The following ARID2 variants were observed in gnomAD, a reference collection of about 807,000 sequenced individuals.
ARID2 encodes AT-rich interactive domain-containing protein 2.
A neutral mutation model predicts 184.6 loss-of-function variants in ARID2; 32 were observed. The observed-to-expected ratio is 0.17, with a 90% CI of 0.13 to 0.23. The LOEUF is 0.23. ARID2 is among the 10% of genes least tolerant of loss of function. The probability of loss-of-function intolerance (pLI) is 1.00; values close to 1 mark genes in which losing one functional copy is unlikely to be tolerated. For missense variants in ARID2, 1,696 were observed against 2,197.6 expected (o/e 0.77, Z 4.56); for synonymous variants, 836 against 772.6 (o/e 1.08, Z -1.36).
chr12:45,868,020 T>C (rs976097489), intron 16 of ARID2, among the ~76,000 whole-genome samples: 31 of 152,258 alleles, frequency 2.0e-4, no homozygotes, highest in African/African-American at 7.5e-4. Context: ...GCTCCTGTTT[T>C]AATTTTTATT....
intron 10 of ARID2, among the ~76,000 whole-genome samples, chr12:45,839,025 ATT>A (rs996463434): frequency 6.9e-6 from 1 of 144,402 alleles, no homozygotes. Flanking sequence ...TGCCCGGCTA[ATT>A]TTTTTTTTTT....
At chr12:45,843,669 G>A in intron 11 of ARID2, among the ~76,000 whole-genome samples, 1 of 152,084 alleles carries the variant, frequency 6.6e-6, no homozygotes, top group Non-Finnish European at 1.5e-5. Context: ...ACTGGGTTGG[G>A]AAAATTGAAA....
At chr12:45,846,438 G>A (rs774361455) in intron 11 of ARID2, among the ~76,000 whole-genome samples, 2 of 152,054 alleles carry the variant, frequency 1.3e-5, no homozygotes, top group Non-Finnish European at 2.9e-5. Context: ...CTCAACTTAC[G>A]TGTTGAACTG....
rs1293818717 is a variant in ARID2 at position 45,850,854 on chromosome 12, G to C, written c.2731G>C (p.Val911Leu). 2 of 1,614,056 alleles carry C rather than the reference G, an allele frequency of 1.2e-6. No homozygotes were observed. Among genetic ancestry groups the C allele is most frequent in the Non-Finnish European group, 1.7e-6 (2 of 1,180,006 alleles). The change falls in exon 15 of 21, where the codon GTA becomes CTA. Residue 911 changes from valine to leucine, a missense_variant. This residue lies in a region of ARID2 where 713 missense variants were observed against 824.4 expected (regional missense o/e 0.86). Transcript: ENST00000334344. The part of the protein sequence containing the change: ...LPSQQVSSTV[V>L]QQPIQQPQQP... Reference sequence around the variant, plus strand: ...TTCTCAGCAAGTTTCATCTACAGTGGTACAGCAGCCTATTCAACAACCACA... The same window carrying C: ...TTCTCAGCAAGTTTCATCTACAGTGCTACAGCAGCCTATTCAACAACCACA...
At chr12:45,894,892 GT>G (rs1426552912) in intron 20 of ARID2, among the ~76,000 whole-genome samples, 1 of 152,004 alleles carries the variant, frequency 6.6e-6, no homozygotes, top group Non-Finnish European at 1.5e-5. Context: ...CCACATGCAA[GT>G]TCCTAATCAC....
rs1318881193 is a variant in ARID2, at chr12:45,906,566, G to A, written c.*1488G>A. ...TCTTGAGTCCTTCATTTCTGAGTAT[G>A]CTTAAGACATCTTAAAAATATAGAG... On this transcript the variant is annotated 3_prime_UTR_variant, in exon 21 of 21. Coordinates refer to ENST00000334344, the MANE Select transcript of ARID2 (RefSeq NM_152641.4). The A allele has an allele frequency of 4.3e-6, 1 of 232,478 alleles. No homozygotes were observed. Among genetic ancestry groups the A allele is most frequent in the Non-Finnish European group, 8.5e-6 (1 of 117,558 alleles). 14.4% of individuals were successfully genotyped at this position (232,478 alleles called of 1,614,324 possible).
intron 12 of ARID2, among the ~76,000 whole-genome samples, chr12:45,848,264 G>A (rs1285997131): frequency 6.6e-6 from 1 of 152,008 alleles, no homozygotes; most frequent in African/African-American, 2.4e-5. Context: ...ACAAAATGAG[G>A]TTTGAATTAG....
rs934376711 is a variant in ARID2 at position 45,855,391 on chromosome 12, A to G, written c.4773+2495A>G. 7.9e-4 allele frequency among the ~76,000 whole-genome samples: 121 copies of G among 152,218 alleles called. 1 individual carries two copies. Among genetic ancestry groups the G allele is most frequent in the Non-Finnish European group, 1.9e-4 (13 of 68,044 alleles). On this transcript the variant is annotated intron_variant, in intron 15 of 20. Coordinates refer to ENST00000334344, the MANE Select transcript of ARID2 (RefSeq NM_152641.4). ...TCTAAAACTGATATTTGGTTGTCTT[A>G]TAGAAATTTAAAACTTTGCAAGGAA...
intron 3 of ARID2, among the ~76,000 whole-genome samples, chr12:45,760,988 A>T (rs1354077718): frequency 6.6e-6 from 1 of 152,164 alleles, no homozygotes; most frequent in Non-Finnish European, 1.5e-5. Flanking sequence ...TGGCCCCACA[A>T]AGCACTGGGA....
chr12:45,867,198 C>T (rs1198558222), intron 16 of ARID2, among the ~76,000 whole-genome samples: 1 of 151,980 alleles, frequency 6.6e-6, no homozygotes, highest in African/African-American at 2.4e-5. Context: ...ATCCACCCAC[C>T]TTGGCCTCCC....
intron 3 of ARID2, among the ~76,000 whole-genome samples, chr12:45,785,925 A>C (rs896072237): frequency 2.6e-5 from 4 of 152,188 alleles, no homozygotes. Flanking sequence ...GCCATGGACC[A>C]GTAGTGGTCT....
intron 16 of ARID2, among the ~76,000 whole-genome samples, chr12:45,871,237 A>G (rs1202562123): frequency 6.6e-6 from 1 of 152,140 alleles, no homozygotes; most frequent in Non-Finnish European, 1.5e-5. Flanking sequence ...TTGTTTATTT[A>G]CCATATGTAT....
At chr12:45,775,560 A>T (rs921914593) in intron 3 of ARID2, among the ~76,000 whole-genome samples, 1 of 152,164 alleles carries the variant, frequency 6.6e-6, no homozygotes, top group African/African-American at 2.4e-5. Context: ...TACTAGTTTC[A>T]TGGAAGGGAG....
At chr12:45,882,244 C>G (rs573981477) in intron 16 of ARID2, 1 of 152,238 alleles carries the variant, frequency 6.6e-6, no homozygotes, top group South Asian at 2.1e-4. Context: ...AGGCCCAGGT[C>G]TCCTTTGTGG....
intron 16 of ARID2, among the ~76,000 whole-genome samples, chr12:45,884,868 A>G (rs572603705): frequency 6.6e-5 from 10 of 152,242 alleles, no homozygotes; most frequent in Admixed American, 1.3e-4. Flanking sequence ...TACACTAGTC[A>G]ATCAGTTGTT....
chr12:45,755,511 C>T (rs926202883), intron 3 of ARID2, among the ~76,000 whole-genome samples: 1 of 152,170 alleles, frequency 6.6e-6, no homozygotes, highest in Admixed American at 6.5e-5. Context: ...TTGTAAGTAT[C>T]ACTTGTCATT....
At chr12:45,832,772 A>G (rs1943145253) in intron 6 of ARID2, among the ~76,000 whole-genome samples, 1 of 152,242 alleles carries the variant, frequency 6.6e-6, no homozygotes, top group African/African-American at 2.4e-5. Context: ...GTAAAAAGTA[A>G]TAAAACTAAA....
At chr12:45,846,354 T>TA (rs1422867287) in intron 11 of ARID2, among the ~76,000 whole-genome samples, 1 of 152,182 alleles carries the variant, frequency 6.6e-6, no homozygotes, top group African/African-American at 2.4e-5. Context: ...CTTACAGAGT[T>TA]ATTAATCTTT....
intron 3 of ARID2, among the ~76,000 whole-genome samples, chr12:45,764,804 C>T (rs1180468394): frequency 1.3e-5 from 2 of 152,188 alleles, no homozygotes; most frequent in Non-Finnish European, 2.9e-5. Flanking sequence ...TGATTAAAAA[C>T]ACTATAAACA....
Sources: gnomAD v4.1 joint callset for allele counts (sites outside exome capture counted in the v4.1 genomes callset) on GRCh38, gnomAD v4.1.1 for gene constraint, gnomAD v4.1.1 regional missense constraint, MANE v1.5 for transcripts, NCBI Gene and HGNC (gene_info 2026-07-23, HGNC 2026-07-21) for gene names.